ZFHX3: variants seen among roughly 807,000 people sequenced by gnomAD.
The protein encoded by ZFHX3 is zinc finger homeobox protein 3.
In ZFHX3, 42 loss-of-function variants were observed where a neutral mutation model predicts 279.1. The ratio of observed to expected loss-of-function variants is 0.15; its 90% CI spans 0.12 to 0.19. The LOEUF (loss-of-function observed/expected upper bound fraction) is 0.19, where lower values mean the gene tolerates loss of function less well. ZFHX3 is among the 10% of genes least tolerant of loss of function. The probability of loss-of-function intolerance (pLI) is 1.00; values close to 1 mark genes in which losing one functional copy is unlikely to be tolerated. For synonymous variants in ZFHX3, 2,293 were observed against 1,957.8 expected (o/e 1.17, Z -4.52); for missense variants, 4,981 against 4,754.0 (o/e 1.05, Z -1.40).
intron 4 of ZFHX3, among the ~76,000 whole-genome samples, chr16:73,310,506 C>CAAA (rs2143162767): frequency 6.6e-6 from 1 of 152,208 alleles, no homozygotes; most frequent in South Asian, 2.1e-4. Flanking sequence ...GGCAATTTTA[C>CAAA]CCCCAGGGAA....
At chr16:73,269,789 C>A (rs1227629051) in intron 4 of ZFHX3, among the ~76,000 whole-genome samples, 4 of 151,770 alleles carry the variant, frequency 2.6e-5, no homozygotes, top group Non-Finnish European at 5.9e-5. Context: ...CACTCTGTCA[C>A]CCAGGCTGGA....
chr16:73,384,678 A>G (rs1455726627), intron 3 of ZFHX3, among the ~76,000 whole-genome samples: 1 of 152,232 alleles, frequency 6.6e-6, no homozygotes, highest in Non-Finnish European at 1.5e-5. Context: ...CTAGCAGCAT[A>G]CACAGCATAC....
intron 7 of ZFHX3, among the ~76,000 whole-genome samples, chr16:73,120,878 T>C (rs1041907896): frequency 1.3e-5 from 2 of 152,028 alleles, no homozygotes; most frequent in African/African-American, 2.4e-5. Context: ...ATGGTCTTGA[T>C]ATCCTGACCT....
intron 1 of ZFHX3, among the ~76,000 whole-genome samples, chr16:73,871,994 C>T (rs1455777010): frequency 1.3e-5 from 2 of 152,078 alleles, no homozygotes; most frequent in East Asian, 3.9e-4. Context: ...TGAAGGTCAC[C>T]GAGTATTTTT....
At chr16:73,643,395 T>G (rs879463907) in intron 2 of ZFHX3, among the ~76,000 whole-genome samples, 32 of 152,330 alleles carry the variant, frequency 2.1e-4, no homozygotes, top group African/African-American at 7.7e-4. Context: ...GGAGATTTTA[T>G]AACCAGTATC....
chr16:73,546,825 T>C (rs533693570), intron 2 of ZFHX3, among the ~76,000 whole-genome samples: 2 of 146,850 alleles, frequency 1.4e-5, no homozygotes, highest in South Asian at 4.4e-4. Context: ...AGTTGGGGGG[T>C]GAGGGGGGAG....
intron 3 of ZFHX3, among the ~76,000 whole-genome samples, chr16:72,903,154 C>A (rs773199966): frequency 6.6e-6 from 1 of 152,098 alleles, no homozygotes; most frequent in Non-Finnish European, 1.5e-5. Context: ...TGCGAGAGTT[C>A]GAGGAGGGTG....
intron 1 of ZFHX3, among the ~76,000 whole-genome samples, chr16:73,026,689 A>AAAAAAAAAAAC (rs1555543115): frequency 2.7e-5 from 4 of 150,722 alleles, no homozygotes; most frequent in African/African-American, 9.9e-5. Flanking sequence ...AAAAAAAAAA[A>AAAAAAAAAAAC]AAAAAACACA....
intron 1 of ZFHX3, among the ~76,000 whole-genome samples, chr16:73,885,408 AT>A (rs1252671548): frequency 3.9e-5 from 6 of 152,206 alleles, no homozygotes; most frequent in African/African-American, 1.4e-4. Context: ...TGCGCTGTGG[AT>A]GGCTGAGCTT....
chr16:72,908,987 G>A (rs2039253900), intron 3 of ZFHX3, among the ~76,000 whole-genome samples: 1 of 152,202 alleles, frequency 6.6e-6, no homozygotes, highest in Admixed American at 6.6e-5. Flanking sequence ...TCAGTCTGCT[G>A]AATAAAATGA....
At chr16:73,299,540 C>T (rs931118479) in intron 4 of ZFHX3, among the ~76,000 whole-genome samples, 4 of 151,994 alleles carry the variant, frequency 2.6e-5, no homozygotes, top group Admixed American at 6.6e-5. Flanking sequence ...ATGAATGTGG[C>T]GATATAAATC....
chr16:72,848,259 A>T (rs2037526982), intron 4 of ZFHX3, among the ~76,000 whole-genome samples: 1 of 151,738 alleles, frequency 6.6e-6, no homozygotes, highest in Non-Finnish European at 1.5e-5. Flanking sequence ...GAACTTCCTA[A>T]ATCATTAACC....
chr16:73,660,611 G>A (rs989008252), intron 2 of ZFHX3, among the ~76,000 whole-genome samples: 4 of 152,050 alleles, frequency 2.6e-5, no homozygotes, highest in Non-Finnish European at 5.9e-5. Context: ...CTGATCTGTT[G>A]TATATGGCTC....
chr16:73,883,713 A>T (rs1167699641), intron 1 of ZFHX3, among the ~76,000 whole-genome samples: 3 of 151,970 alleles, frequency 2.0e-5, no homozygotes, highest in Non-Finnish European at 4.4e-5. Context: ...ATATTTTTAT[A>T]AAAAAGACAC....
intron 1 of ZFHX3, among the ~76,000 whole-genome samples, chr16:73,798,851 G>C (rs1026503247): frequency 6.6e-6 from 1 of 152,150 alleles, no homozygotes; most frequent in African/African-American, 2.4e-5. Context: ...GAGCTTGTCC[G>C]TCCCTCCTAG....
At chr16:73,036,975 AGAC>A (rs936304436) in intron 1 of ZFHX3, among the ~76,000 whole-genome samples, 30 of 152,304 alleles carry the variant, frequency 2.0e-4, no homozygotes, top group Admixed American at 9.8e-4. Context: ...TTATTTTTGT[AGAC>A]AACATCCAAA....
intron 3 of ZFHX3, among the ~76,000 whole-genome samples, chr16:73,389,671 T>C (rs1010725381): frequency 6.6e-6 from 1 of 152,248 alleles, no homozygotes; most frequent in Admixed American, 6.5e-5. Context: ...GGAAAGTTCT[T>C]TTTTATCCGC....
At chr16:73,198,172 A>AG (rs1259366229) in intron 5 of ZFHX3, among the ~76,000 whole-genome samples, 1 of 151,556 alleles carries the variant, frequency 6.6e-6, no homozygotes, top group Non-Finnish European at 1.5e-5. Flanking sequence ...CTTCTGACCT[A>AG]GTGATCCGCC....
chr16:73,402,011 A>G (rs2017265513), intron 3 of ZFHX3: 1 of 152,236 alleles, frequency 6.6e-6, no homozygotes, highest in Non-Finnish European at 1.5e-5. Context: ...CACCCTCTAT[A>G]TGGAAATGTG....
Sources: allele counts gnomAD v4.1 joint callset (sites outside exome capture counted in the v4.1 genomes callset), GRCh38; gene constraint gnomAD v4.1.1; transcripts MANE v1.5; gene names NCBI Gene and HGNC (gene_info 2026-07-23, HGNC 2026-07-21).